The following AHCYL2 variants were observed in gnomAD, a reference collection of about 807,000 sequenced individuals.
The protein encoded by AHCYL2 is adenosylhomocysteinase like 2.
AHCYL2 carries 28 observed loss-of-function variants against 81.4 expected under a neutral mutation model. That is an observed-to-expected ratio of 0.34 (90% CI 0.25 to 0.47). The LOEUF is 0.47. Ranked by LOEUF, AHCYL2 falls within the 20% of genes least tolerant of loss-of-function variation. The pLI is 1.00. For missense variants in AHCYL2, 551 were observed against 785.1 expected (o/e 0.70, Z 3.56); for synonymous variants, 272 against 290.2 (o/e 0.94, Z 0.64).
Position 129,389,093 on chromosome 7 carries a change from G to C in AHCYL2, c.513G>C (p.Ser171=). The change falls in exon 3 of 17, where the codon TCG becomes TCC. Residue 171 remains serine, a synonymous_variant. Transcript: ENST00000325006. ...SYTDSSDDET[S]PRDKQQKNSK... ...CAGATAGCTCTGATGATGAGACATC[G>C]CCCAGGGACAAGCAGCAAAAGAACT... is the stretch of plus-strand genomic sequence containing the variant. 6.2e-7 allele frequency: 1 copy of C among 1,613,512 alleles called. No individual in the cohort carries two copies. The highest frequency in any genetic ancestry group is 8.5e-7 in the Non-Finnish European group (1 of 1,179,864).
chr7:129,410,277 G>C (rs1584897834), intron 11 of AHCYL2: 1 of 1,613,994 alleles, frequency 6.2e-7, no homozygotes, highest in East Asian at 2.2e-5. Context: ...TCTTCCTTCT[G>C]TTTCTTACGG....
At chr7:129,273,040 AC>A (rs1796073400) in intron 1 of AHCYL2, among the ~76,000 whole-genome samples, 1 of 151,806 alleles carries the variant, frequency 6.6e-6, no homozygotes. Context: ...AGCTGGGATT[AC>A]AGGTGCCCGC....
At chr7:129,352,315 A>G (rs1456188274) in intron 1 of AHCYL2, among the ~76,000 whole-genome samples, 1 of 152,180 alleles carries the variant, frequency 6.6e-6, no homozygotes, top group Non-Finnish European at 1.5e-5. Flanking sequence ...CAAGCTTTCA[A>G]ATGGAAATTA....
intron 4 of AHCYL2, among the ~76,000 whole-genome samples, chr7:129,394,285 C>T (rs750470588): frequency 7.3e-5 from 11 of 151,168 alleles, no homozygotes; most frequent in South Asian, 2.1e-4. Context: ...GCTAGGGTTA[C>T]AGGCATGAGT....
chr7:129,401,339 GCC>G (rs11375520), intron 6 of AHCYL2, among the ~76,000 whole-genome samples: 1 of 144,658 alleles, frequency 6.9e-6, no homozygotes, highest in African/African-American at 2.6e-5. Context: ...CCATCCCAGT[GCC>G]CCCCCCCAAA....
At chr7:129,302,837 A>C (rs571750973) in intron 1 of AHCYL2, among the ~76,000 whole-genome samples, 1 of 152,022 alleles carries the variant, frequency 6.6e-6, no homozygotes, top group African/African-American at 2.4e-5. Flanking sequence ...TCTTTTTCTG[A>C]TTTTGGTATC....
At chr7:129,241,477 G>A (rs1794851462) in intron 1 of AHCYL2, among the ~76,000 whole-genome samples, 1 of 152,100 alleles carries the variant, frequency 6.6e-6, no homozygotes, top group African/African-American at 2.4e-5. Flanking sequence ...TGTAGTTCCA[G>A]CTACTCGGGA....
intron 1 of AHCYL2, among the ~76,000 whole-genome samples, chr7:129,309,820 G>A (rs560494371): frequency 4.0e-5 from 6 of 151,516 alleles, no homozygotes; most frequent in African/African-American, 1.5e-4. Context: ...ATTTTACGTT[G>A]GTTGGTTCCC....
rs1794205977 is a variant in AHCYL2 at position 129,368,388 on chromosome 7, C to G, written c.364-11250C>G. On this transcript the variant is annotated intron_variant, in intron 1 of 16. Coordinates refer to ENST00000325006, the MANE Select transcript of AHCYL2 (RefSeq NM_015328.4). The surrounding 1 kb of genome is among the most constrained non-coding windows in gnomAD (Gnocchi z 4.4). ...AGCTTCTGCTAGCCACTGTGAACTT[C>G]TGAATCTCACTAGGGTTGGGTCTGC... The G allele has an allele frequency of 6.4e-7, 1 of 1,565,504 alleles. No homozygotes were observed. Among genetic ancestry groups the G allele is most frequent in the Admixed American group, 1.9e-5 (1 of 52,730 alleles).
intron 1 of AHCYL2, among the ~76,000 whole-genome samples, chr7:129,239,269 A>G (rs1038472720): frequency 2.0e-5 from 3 of 152,194 alleles, no homozygotes; most frequent in African/African-American, 7.2e-5. Flanking sequence ...TTTTCAAACC[A>G]GAAGCATTGG....
intron 1 of AHCYL2, among the ~76,000 whole-genome samples, chr7:129,322,700 TC>T (rs780716362): frequency 1.3e-5 from 2 of 152,170 alleles, no homozygotes; most frequent in African/African-American, 2.4e-5. Context: ...CAAGCCATCC[TC>T]CCACTTCACC....
chr7:129,321,743 G>GTTTTTTT, intron 1 of AHCYL2, among the ~76,000 whole-genome samples: 149 of 77,496 alleles, frequency 1.9e-3, no homozygotes, highest in East Asian at 4.5e-3. Context: ...TTCTTTCTTT[G>GTTTTTTT]TTTTTTTTTT....
chr7:129,260,598 C>A (rs35239026), intron 1 of AHCYL2, among the ~76,000 whole-genome samples: 3,757 of 152,170 alleles, frequency 0.025, 78 homozygotes, highest in Admixed American at 0.057. Flanking sequence ...GTTGCTTGAC[C>A]TGTTTCATAT....
At chr7:129,345,886 G>T (rs995935738) in intron 1 of AHCYL2, among the ~76,000 whole-genome samples, 8 of 152,108 alleles carry the variant, frequency 5.3e-5, no homozygotes, top group Non-Finnish European at 1.2e-4. Context: ...CAGGTTTGGG[G>T]GGGTAAGATG....
chr7:129,334,272 C>A (rs745349006), intron 1 of AHCYL2, among the ~76,000 whole-genome samples: 30 of 152,162 alleles, frequency 2.0e-4, no homozygotes, highest in Non-Finnish European at 4.1e-4. Context: ...GGGAAGATGG[C>A]TGCCTAACTT....
chr7:129,410,393 A>C, intron 11 of AHCYL2: 2 of 1,607,900 alleles, frequency 1.2e-6, no homozygotes, highest in East Asian at 4.5e-5. Flanking sequence ...ACTAAGGGCC[A>C]AACCCAGTGA....
intron 1 of AHCYL2, among the ~76,000 whole-genome samples, chr7:129,239,981 T>C (rs1264573151): frequency 6.6e-6 from 1 of 151,766 alleles, no homozygotes; most frequent in Non-Finnish European, 1.5e-5. Flanking sequence ...CCTAGCACTT[T>C]AGGAGGCTGA....
rs1797487213 is a variant in AHCYL2 at position 129,429,312 on chromosome 7, G to A, written c.*2267G>A. The A allele has an allele frequency of 6.6e-6, 1 of 152,124 alleles. No individual in the cohort carries two copies. Among genetic ancestry groups the A allele is most frequent in the African/African-American group, 2.4e-5 (1 of 41,408 alleles). The allele number at this position is 152,124 out of a possible 1,614,324, so 9.4% of individuals were successfully genotyped here. ...GAACCACAAGCCTCCCAAGTATTTGGGTTCTATCTTAGGGTTGAAATCTGG... is the reference window on the plus strand; with the variant it reads ...GAACCACAAGCCTCCCAAGTATTTGAGTTCTATCTTAGGGTTGAAATCTGG... On this transcript the variant is annotated 3_prime_UTR_variant, in exon 17 of 17. Transcript: ENST00000325006.
intron 1 of AHCYL2, among the ~76,000 whole-genome samples, chr7:129,271,300 G>T (rs1199702289): frequency 6.8e-6 from 1 of 147,026 alleles, no homozygotes; most frequent in Non-Finnish European, 1.5e-5. Flanking sequence ...GGTGGAGCTT[G>T]CAGTGAGCCG....
Sources: allele counts gnomAD v4.1 joint callset (sites outside exome capture counted in the v4.1 genomes callset), GRCh38; gene constraint gnomAD v4.1.1; non-coding constraint Gnocchi (gnomAD v3.1); transcripts MANE v1.5; gene names NCBI Gene and HGNC (gene_info 2026-07-23, HGNC 2026-07-21).